Variants in GAPVD1 observed in about 807,000 individuals in gnomAD.
The protein encoded by GAPVD1 is GTPase-activating protein and VPS9 domain-containing protein 1.
Under a neutral mutation model 155.5 loss-of-function variants are expected in GAPVD1, and 35 were observed. The ratio of observed to expected loss-of-function variants is 0.23; its 90% CI spans 0.17 to 0.30. The LOEUF is 0.30. Among genes scored for constraint, GAPVD1 ranks in the 10% least tolerant of loss-of-function variants. The probability of loss-of-function intolerance (pLI) is 1.00; values close to 1 mark genes in which losing one functional copy is unlikely to be tolerated. For missense variants in GAPVD1, 1,429 were observed against 1,775.7 expected, an observed-to-expected ratio of 0.80 and a Z score of 3.51; for synonymous variants, 636 against 619.7, an observed-to-expected ratio of 1.03 and a Z score of -0.39.
At chr9:125,336,306 CAAAA>C (rs1247163068) in intron 15 of GAPVD1, among the ~76,000 whole-genome samples, 19 of 131,310 alleles carry the variant, frequency 1.4e-4, no homozygotes, top group African/African-American at 3.1e-4. Context: ...AAAAAAAAAA[CAAAA>C]AACAAAAAAT....
chr9:125,275,967 C>T (rs569603001), intron 2 of GAPVD1, among the ~76,000 whole-genome samples: 2 of 152,210 alleles, frequency 1.3e-5, no homozygotes, highest in East Asian at 1.9e-4. Context: ...CCATTTATTA[C>T]GAATGAGTTT....
chr9:125,283,926 G>A (rs916768525), intron 2 of GAPVD1, among the ~76,000 whole-genome samples: 1 of 151,652 alleles, frequency 6.6e-6, no homozygotes, highest in Non-Finnish European at 1.5e-5. Context: ...AGGCTGGAGT[G>A]CAGTGGCATG....
intron 2 of GAPVD1, among the ~76,000 whole-genome samples, chr9:125,270,540 G>A (rs537581609): frequency 6.6e-6 from 1 of 152,264 alleles, no homozygotes; most frequent in Non-Finnish European, 1.5e-5. Flanking sequence ...TCAGAAGGGT[G>A]GTTATTTTTT....
At chr9:125,328,876 A>AG (rs1289709623) in intron 12 of GAPVD1, among the ~76,000 whole-genome samples, 5 of 151,052 alleles carry the variant, frequency 3.3e-5, no homozygotes, top group African/African-American at 1.2e-4. Flanking sequence ...CTGGCCGGGC[A>AG]GGGGGGCTCA....
At chr9:125,294,591 C>T (rs1182728376) in intron 2 of GAPVD1, among the ~76,000 whole-genome samples, 1 of 151,634 alleles carries the variant, frequency 6.6e-6, no homozygotes, top group African/African-American at 2.4e-5. Flanking sequence ...TGTGATCCAC[C>T]TGCCTCAGCC....
intron 12 of GAPVD1, among the ~76,000 whole-genome samples, chr9:125,327,786 G>A (rs1845414096): frequency 6.6e-6 from 1 of 152,158 alleles, no homozygotes; most frequent in Non-Finnish European, 1.5e-5. Context: ...TTACAGTCAT[G>A]AGCCATTGCT....
intron 17 of GAPVD1, among the ~76,000 whole-genome samples, chr9:125,340,380 G>T (rs1270767322): frequency 6.6e-6 from 1 of 152,144 alleles, no homozygotes; most frequent in Non-Finnish European, 1.5e-5. Flanking sequence ...GAACTTTAAA[G>T]TTGCTTAGGT....
intron 1 of GAPVD1, 117 bp downstream of exon 1, chr9:125,262,076 G>C (rs889991477): frequency 6.6e-6 from 1 of 152,382 alleles, no homozygotes; most frequent in Non-Finnish European, 1.5e-5. Context: ...AGGTCCAACT[G>C]ACCCCGGGGT....
Position 125,302,056 on chromosome 9 carries a change from A to G in GAPVD1, c.259A>G (p.Lys87Glu). The G allele has an allele frequency of 5.6e-6, 9 of 1,613,376 alleles. No individual in the cohort carries two copies. The highest frequency in any genetic ancestry group is 7.6e-6 in the Non-Finnish European group (9 of 1,179,696). ...LEDTQFVDGY[K>E]QLGFQETAYG... ...AGATACACAATTTGTTGATGGGTAT[A>G]AGCAATTGGGATTTCAGGAGACTGC... is the stretch of plus-strand genomic sequence containing the variant. Residue 87 changes from lysine (K) to glutamate (E), a missense_variant, in exon 5 of 28, where the codon AAG (lysine) becomes GAG (glutamate). Lys to Glu is a moderately conservative substitution (Grantham distance 56, BLOSUM62 1). Coordinates refer to ENST00000297933, the MANE Select transcript of GAPVD1 (RefSeq NM_001282680.3).
rs529970821 is a variant in GAPVD1, at chr9:125,289,311, T to C, written c.-149-6147T>C. Among the ~76,000 whole-genome samples the C allele has an allele frequency of 3.9e-5, 6 of 152,276 alleles. 1 individual carries two copies. In the South Asian group the frequency reaches 1.2e-3, roughly 32 times the overall value. Reference sequence around the variant, plus strand: ...TTTGACTCATGCTTTACAGGCTTACTCTGGCTGCTGTGTTCATAGTAGACT... The same window carrying C: ...TTTGACTCATGCTTTACAGGCTTACCCTGGCTGCTGTGTTCATAGTAGACT... On this transcript the variant is annotated intron_variant, in intron 2 of 27. Coordinates refer to ENST00000297933, the MANE Select transcript of GAPVD1 (RefSeq NM_001282680.3).
chr9:125,271,477 C>A (rs1834908044), intron 2 of GAPVD1, among the ~76,000 whole-genome samples: 1 of 152,088 alleles, frequency 6.6e-6, no homozygotes, highest in African/African-American at 2.4e-5. Flanking sequence ...TTCCTAGGAT[C>A]AGAGTGTAGT....
chr9:125,312,729 G>A, intron 9 of GAPVD1, 117 bp downstream of exon 9: 1 of 686,620 alleles, frequency 1.5e-6, no homozygotes, highest in Non-Finnish European at 2.4e-6. Flanking sequence ...TCTCACATTT[G>A]TAGAGGCCAG....
rs529826843 is a variant in GAPVD1 at position 125,288,690 on chromosome 9, A to G, written c.-149-6768A>G. On this transcript the variant is annotated intron_variant, in intron 2 of 27. Transcript: ENST00000297933. ...CCAGGCCCGGCCCATTCTTACATTC[A>G]TTTAGCAAGTACATACTGAAGTCTT... Among the ~76,000 whole-genome samples, 5 of 152,274 alleles carry G rather than the reference A, an allele frequency of 3.3e-5. No homozygotes were observed. In the East Asian group the frequency reaches 5.8e-4, roughly 18 times the overall value.
chr9:125,268,516 T>TC (rs1233374500), intron 1 of GAPVD1, among the ~76,000 whole-genome samples: 8 of 150,302 alleles, frequency 5.3e-5, no homozygotes, highest in African/African-American at 2.0e-4. Context: ...TTTTTTTTTT[T>TC]CGAGACAAGG....
intron 11 of GAPVD1, 28 bp downstream of exon 11, chr9:125,323,951 A>G: frequency 6.2e-7 from 1 of 1,603,550 alleles, no homozygotes; most frequent in Non-Finnish European, 8.5e-7. Context: ...ACAGTTGCCT[A>G]AGTAGCAAAG....
chr9:125,337,498 A>G lies in GAPVD1; in HGVS notation c.2784A>G (p.Glu928=). 6.2e-7 allele frequency: 1 copy of G among 1,614,054 alleles called. No homozygotes were observed. Residue 928 remains glutamate (E), a synonymous_variant, in exon 17 of 28, where the codon GAA becomes GAG. Transcript: ENST00000297933. Reference sequence around the variant, plus strand: ...GGCGTCCAGGAAATGAAGAGCGAGAACTCCCTCCAGCTGCAGCCATTGGTG... The same window carrying G: ...GGCGTCCAGGAAATGAAGAGCGAGAGCTCCCTCCAGCTGCAGCCATTGGTG... ...WNRRPGNEER[E]LPPAAAIGAT...
chr9:125,293,015 G>T (rs564145853), intron 2 of GAPVD1, among the ~76,000 whole-genome samples: 3 of 152,228 alleles, frequency 2.0e-5, no homozygotes, highest in African/African-American at 7.2e-5. Flanking sequence ...GAAGAAACTT[G>T]AAGTATAGGA....
At chr9:125,314,969 A>C (rs1044745365) in intron 9 of GAPVD1, among the ~76,000 whole-genome samples, 5 of 151,788 alleles carry the variant, frequency 3.3e-5, no homozygotes, top group Admixed American at 6.6e-5. Context: ...TTGTATTTTT[A>C]GTAGAGACAG....
intron 26 of GAPVD1, 44 bp downstream of exon 26, chr9:125,359,536 G>A: frequency 2.2e-6 from 2 of 928,806 alleles, no homozygotes; most frequent in Non-Finnish European, 3.6e-6. Flanking sequence ...ACTAAATGCT[G>A]CGTGTTATTA....
Sources: allele counts gnomAD v4.1 joint callset (sites outside exome capture counted in the v4.1 genomes callset), GRCh38; gene constraint gnomAD v4.1.1; transcripts MANE v1.5; gene names NCBI Gene and HGNC (gene_info 2026-07-23, HGNC 2026-07-21).